Variants in FMNL3 observed in about 807,000 individuals in gnomAD.
The protein encoded by FMNL3 is formin like 3.
In FMNL3, 57 loss-of-function variants were observed where a neutral mutation model predicts 119.6. The observed-to-expected ratio is 0.48, with a 90% confidence interval of 0.39 to 0.59. The LOEUF is 0.59. Among genes scored for constraint, FMNL3 ranks in the 20% least tolerant of loss-of-function variants. The pLI is 0.00. For synonymous variants in FMNL3, 491 were observed against 507.3 expected, an observed-to-expected ratio of 0.97 and a Z score of 0.43; for missense variants, 1,053 against 1,323.5, an observed-to-expected ratio of 0.80 and a Z score of 3.17.
Position 49,647,582 on chromosome 12 carries a change from A to G in FMNL3, c.2778+121T>C. The G allele has an allele frequency of 1.0e-6, 1 of 985,824 alleles. No individual in the cohort carries two copies. Among genetic ancestry groups the G allele is most frequent in the Non-Finnish European group, 1.5e-6 (1 of 645,790 alleles). The allele number at this position is 985,824 out of a possible 1,614,324, so 61.1% of individuals were successfully genotyped here. A position where few individuals can be genotyped will look rare whatever the true frequency, so the allele number is the denominator to read the frequency against. On this transcript the variant is annotated intron_variant, in intron 23 of 25. Transcript: ENST00000335154. This position sits in a 1 kb window ranked among gnomAD's most constrained non-coding sequence, Gnocchi z 4.9. ...GCTAAGAGGCCTGTCACCAGCTTGC[A>G]TCGCTCCCTTCCCAGGACTCGGAGG...
intron 1 of FMNL3, among the ~76,000 whole-genome samples, chr12:49,685,917 A>C (rs931575810): frequency 6.6e-6 from 1 of 151,666 alleles, no homozygotes; most frequent in African/African-American, 2.4e-5. Context: ...AAATACAAAA[A>C]TTAGCCAGGC....
intron 1 of FMNL3, among the ~76,000 whole-genome samples, chr12:49,687,096 CTTTT>C (rs35284603): frequency 1.4e-5 from 2 of 142,344 alleles, no homozygotes; most frequent in Non-Finnish European, 1.5e-5. Flanking sequence ...TTCCCCATTC[CTTTT>C]TTTTTTTTTT....
At chr12:49,655,658 G>A (rs1198333694) in intron 9 of FMNL3, among the ~76,000 whole-genome samples, 1 of 152,170 alleles carries the variant, frequency 6.6e-6, no homozygotes, top group African/African-American at 2.4e-5. Flanking sequence ...GGAGGCTGCA[G>A]TCCTAGTGGG....
chr12:49,687,511 C>G (rs1944497299), intron 1 of FMNL3, among the ~76,000 whole-genome samples: 2 of 152,218 alleles, frequency 1.3e-5, no homozygotes, highest in African/African-American at 4.8e-5. Flanking sequence ...GCCACCACAC[C>G]TGGCTATAAC....
At position 49,649,416 on chromosome 12, in the gene FMNL3, C is replaced by T. The variant is rs1161976919; in HGVS notation, c.2304+54G>A. 2.5e-6 allele frequency: 4 copies of T among 1,611,424 alleles called. No homozygotes were observed. The highest frequency in any genetic ancestry group is 2.2e-5 in the East Asian group (1 of 44,892). On this transcript the variant is annotated intron_variant, in intron 19 of 25. Transcript: ENST00000335154. The surrounding 1 kb of genome is among the most constrained non-coding windows in gnomAD (Gnocchi z 5.6). Reference sequence around the variant, plus strand: ...TTCTTCCTCTCTGTATAGCCCCAGGCCCCCACCTAGGACCTGAAAACCCCC... The same window carrying T: ...TTCTTCCTCTCTGTATAGCCCCAGGTCCCCACCTAGGACCTGAAAACCCCC...
chr12:49,690,259 C>T (rs1224399434), intron 1 of FMNL3, among the ~76,000 whole-genome samples: 1 of 152,098 alleles, frequency 6.6e-6, no homozygotes, highest in Non-Finnish European at 1.5e-5. Context: ...TTGTATACCC[C>T]CAAGTACAAG....
chr12:49,662,449 C>T (rs532943799), intron 4 of FMNL3, among the ~76,000 whole-genome samples: 25 of 152,210 alleles, frequency 1.6e-4, no homozygotes, highest in Non-Finnish European at 3.1e-4. Flanking sequence ...TGTGCTTGAC[C>T]GAAGCCAGCA....
rs377004456 is a variant in FMNL3 at position 49,647,779 on chromosome 12, T to A, written c.2702A>T (p.Tyr901Phe). Reference sequence around the variant, plus strand: ...TGTAGTCTTGGGACTCTCGCCAAAGTAGCGCACAACTGCATTGTAGGCCTC... The same window carrying A: ...TGTAGTCTTGGGACTCTCGCCAAAGAAGCGCACAACTGCATTGTAGGCCTC... ...AEEAYNAVVR[Y>F]FGESPKTTPP... Residue 901 changes from tyrosine (Y) to phenylalanine (F), a missense_variant, in exon 23 of 26, where the codon TAC becomes TTC. By Grantham distance (22) the Tyr-to-Phe change is conservative. This residue lies in a region of FMNL3 where 324 missense variants were observed against 380.9 expected (regional missense o/e 0.85). Transcript: ENST00000335154. This position sits in a 1 kb window ranked among gnomAD's most constrained non-coding sequence, Gnocchi z 4.9. 3 of 1,613,194 alleles carry A rather than the reference T, an allele frequency of 1.9e-6. No homozygotes were observed. Among genetic ancestry groups the A allele is most frequent in the East Asian group, 4.5e-5 (2 of 44,816 alleles).
chr12:49,676,538 T>G (rs1376113348), intron 1 of FMNL3, among the ~76,000 whole-genome samples: 28 of 140,540 alleles, frequency 2.0e-4, no homozygotes, highest in Non-Finnish European at 6.2e-5. Context: ...TTTTTTTTTT[T>G]TTTTTTGCAT....
chr12:49,637,279 GTATT>G lies in FMNL3; in HGVS notation c.*8532_*8535del. On this transcript the variant is annotated 3_prime_UTR_variant, in exon 26 of 26. Transcript: ENST00000335154. ...ACCTTTTTGTTCTGTCCCTCTCTGT[GTATT>G]TACTTTCTCTCTTTTTGCATTGTTC... 1 of 601,022 alleles carries G rather than the reference GTATT, an allele frequency of 1.7e-6. No homozygotes were observed. The highest frequency in any genetic ancestry group is 2.0e-5 in the South Asian group (1 of 50,064). 37.2% of individuals were successfully genotyped at this position (601,022 alleles called of 1,614,324 possible). A position where few individuals can be genotyped will look rare whatever the true frequency, so the allele number is the denominator to read the frequency against.
At chr12:49,658,624 A>G in intron 5 of FMNL3, 30 bp from the exon 6 acceptor site, 1 of 1,570,542 alleles carries the variant, frequency 6.4e-7, no homozygotes, top group South Asian at 1.2e-5. Flanking sequence ...ACATGCGCAT[A>G]CACAGGCACA....
intron 1 of FMNL3, among the ~76,000 whole-genome samples, chr12:49,691,477 T>C (rs562443113): frequency 1.4e-4 from 22 of 152,288 alleles, no homozygotes; most frequent in Admixed American, 3.3e-4. Flanking sequence ...TTCACTGGCC[T>C]GGAAATGACA....
chr12:49,636,997 G>T lies in FMNL3; in HGVS notation c.*8818C>A, dbSNP rs1017789212. The T allele has an allele frequency of 4.2e-6, 5 of 1,194,392 alleles. No individual in the cohort carries two copies. The East Asian group carries it at 1.3e-4, about 30-fold the overall frequency. The allele number at this position is 1,194,392 out of a possible 1,614,324, so 74.0% of individuals were successfully genotyped here. A position where few individuals can be genotyped will look rare whatever the true frequency, so the allele number is the denominator to read the frequency against. The stretch of plus-strand genomic sequence containing the variant: ...TCTATGAGACCTCTCTCTGCCTGCA[G>T]TCTGTTTCTGCTGTACCTCCTCAAT... On this transcript the variant is annotated 3_prime_UTR_variant, in exon 26 of 26. Coordinates refer to ENST00000335154, the MANE Select transcript of FMNL3 (RefSeq NM_175736.5).
At position 49,707,237 on chromosome 12, in the gene FMNL3, G is replaced by A. The variant is rs948451341; in HGVS notation, c.-57C>T. 1.4e-6 allele frequency: 2 copies of A among 1,391,308 alleles called. No individual in the cohort carries two copies. Among genetic ancestry groups the A allele is most frequent in the East Asian group, 2.8e-5 (1 of 35,520 alleles). The allele number at this position is 1,391,308 out of a possible 1,614,324, so 86.2% of individuals were successfully genotyped here. ...CCCACCTCCACGCTCCGGAGCTTTC[G>A]GCTCCGCGGCTCCGACCAGGCTCCT... is the stretch of plus-strand genomic sequence containing the variant. On this transcript the variant is annotated 5_prime_UTR_variant, in exon 1 of 26. Coordinates refer to ENST00000335154, the MANE Select transcript of FMNL3 (RefSeq NM_175736.5).
At chr12:49,656,985 A>T in intron 7 of FMNL3, 86 bp from the exon 8 acceptor site, 1 of 1,539,272 alleles carries the variant, frequency 6.5e-7, no homozygotes, top group Non-Finnish European at 9.0e-7. Flanking sequence ...GCCCACCAGC[A>T]AACCTGTCTT....
chr12:49,683,657 T>C (rs1225347588), intron 1 of FMNL3, among the ~76,000 whole-genome samples: 3 of 152,090 alleles, frequency 2.0e-5, no homozygotes, highest in Admixed American at 2.0e-4. Context: ...CTCAGCTGCC[T>C]ACCTCCAATT....
At chr12:49,646,326 C>CAAAG (rs967247508) in intron 25 of FMNL3, among the ~76,000 whole-genome samples, 1 of 152,142 alleles carries the variant, frequency 6.6e-6, no homozygotes, top group Non-Finnish European at 1.5e-5. Flanking sequence ...ACCTCAGCCT[C>CAAAG]AAAGATCAGA....
At position 49,666,220 on chromosome 12, in the gene FMNL3, C is replaced by A; in HGVS notation, c.211-13G>T. 6.2e-7 allele frequency: 1 copy of A among 1,609,844 alleles called. No individual in the cohort carries two copies. Among genetic ancestry groups the A allele is most frequent in the South Asian group, 1.1e-5 (1 of 90,656 alleles). ...CCTGGAATCGTTCCTGTAAGGGAAA[C>A]ATGCATATGCGTATCCACAAAGACA... On this transcript the variant is annotated splice_polypyrimidine_tract_variant and intron_variant, in intron 2 of 25. Coordinates refer to ENST00000335154, the MANE Select transcript of FMNL3 (RefSeq NM_175736.5).
intron 25 of FMNL3, 121 bp from the exon 26 acceptor site, chr12:49,646,024 CT>C: frequency 1.3e-6 from 1 of 791,138 alleles, no homozygotes; most frequent in Non-Finnish European, 2.0e-6. Flanking sequence ...AAACAGGAGG[CT>C]TAGATAAGGC....
Sources: gnomAD v4.1 joint callset for allele counts (sites outside exome capture counted in the v4.1 genomes callset) on GRCh38, gnomAD v4.1.1 for gene constraint, gnomAD v4.1.1 regional missense constraint, Gnocchi (gnomAD v3.1) non-coding constraint, MANE v1.5 for transcripts, NCBI Gene and HGNC (gene_info 2026-07-23, HGNC 2026-07-21) for gene names.